Variants in B4GALT5 observed in about 807,000 individuals in gnomAD.
B4GALT5 encodes UDP-Gal:beta-GlcNAc beta-1,4-galactosyltransferase 5.
Under a neutral mutation model 45.0 loss-of-function variants are expected in B4GALT5, and 11 were observed. The ratio of observed to expected loss-of-function variants is 0.24; its 90% confidence interval spans 0.15 to 0.40. The LOEUF (loss-of-function observed/expected upper bound fraction) is 0.40, where lower values mean the gene tolerates loss of function less well. Ranked by LOEUF, B4GALT5 falls within the 10% of genes least tolerant of loss-of-function variation. The pLI is 1.00. For synonymous variants in B4GALT5, 185 were observed against 182.9 expected, an observed-to-expected ratio of 1.01 and a Z score of -0.09; for missense variants, 337 against 500.2, an observed-to-expected ratio of 0.67 and a Z score of 3.11.
chr20:49,672,207 G>T (rs1285273612), intron 1 of B4GALT5, among the ~76,000 whole-genome samples: 3 of 152,122 alleles, frequency 2.0e-5, no homozygotes, highest in Non-Finnish European at 2.9e-5. Context: ...ATTATTGTTA[G>T]CCTGGAAGCT....
chr20:49,701,908 TA>T, intron 1 of B4GALT5, among the ~76,000 whole-genome samples: 1 of 151,732 alleles, frequency 6.6e-6, no homozygotes, highest in Admixed American at 6.6e-5. Flanking sequence ...CTACCAAAAA[TA>T]AAAAAATTAG....
At chr20:49,710,821 C>T (rs1007115754) in intron 1 of B4GALT5, among the ~76,000 whole-genome samples, 1 of 152,072 alleles carries the variant, frequency 6.6e-6, no homozygotes, top group Admixed American at 6.6e-5. Context: ...TTGCCTTAAC[C>T]TTGAAAAAAT....
rs1401348023 is a variant in B4GALT5, at chr20:49,634,947, T to G, written c.*1365A>C. On this transcript the variant is annotated 3_prime_UTR_variant, in exon 9 of 9. Transcript: ENST00000371711. ...CACCTGGGCTCTTGCTGTCTGGAGC[T>G]TTGTTAGTCTAATTTCAAAGCTTCA... The G allele has an allele frequency of 1.3e-5, 2 of 152,162 alleles. No homozygotes were observed. Among genetic ancestry groups the G allele is most frequent in the Non-Finnish European group, 2.9e-5 (2 of 68,034 alleles). 9.4% of individuals were successfully genotyped at this position (152,162 alleles called of 1,614,324 possible). A position where few individuals can be genotyped will look rare whatever the true frequency, so the allele number is the denominator to read the frequency against.
chr20:49,699,003 G>A (rs6019979), intron 1 of B4GALT5, among the ~76,000 whole-genome samples: 1 of 151,930 alleles, frequency 6.6e-6, no homozygotes, highest in Non-Finnish European at 1.5e-5. Flanking sequence ...ACCTATCAAA[G>A]CAAAGACTGG....
intron 2 of B4GALT5, among the ~76,000 whole-genome samples, chr20:49,651,884 G>A (rs1042130240): frequency 6.6e-6 from 1 of 152,132 alleles, no homozygotes; most frequent in Non-Finnish European, 1.5e-5. Context: ...TTTCAGACCA[G>A]CCTGGGCAAC....
At chr20:49,656,740 G>C (rs757857994) in intron 1 of B4GALT5, 38 bp from the exon 2 acceptor site, 2 of 1,612,694 alleles carry the variant, frequency 1.2e-6, no homozygotes, top group Non-Finnish European at 1.7e-6. Flanking sequence ...GGTGGATTCA[G>C]AAGCAATCAT....
intron 1 of B4GALT5, among the ~76,000 whole-genome samples, chr20:49,667,376 C>T (rs768129921): frequency 1.3e-5 from 2 of 151,550 alleles, no homozygotes; most frequent in African/African-American, 2.4e-5. Context: ...CTCAGCCTCC[C>T]GAGTAGCTGG....
intron 1 of B4GALT5, among the ~76,000 whole-genome samples, chr20:49,685,971 C>T (rs1243125349): frequency 2.0e-5 from 3 of 151,962 alleles, no homozygotes; most frequent in Non-Finnish European, 4.4e-5. Flanking sequence ...GGGATTTCTC[C>T]TTTCTCCTGA....
At chr20:49,668,119 A>C (rs1340888902) in intron 1 of B4GALT5, among the ~76,000 whole-genome samples, 1 of 152,120 alleles carries the variant, frequency 6.6e-6, no homozygotes, top group South Asian at 2.1e-4. Context: ...TTGGGGGAAA[A>C]ATTGATTTGA....
intron 1 of B4GALT5, among the ~76,000 whole-genome samples, chr20:49,679,684 AC>A (rs540591498): frequency 2.9e-4 from 43 of 150,782 alleles, no homozygotes; most frequent in East Asian, 5.8e-4. Flanking sequence ...TTCAAAAAAA[AC>A]AAAAACAAAA....
intron 1 of B4GALT5, among the ~76,000 whole-genome samples, chr20:49,661,636 G>A (rs1346951427): frequency 6.6e-6 from 1 of 152,202 alleles, no homozygotes; most frequent in Admixed American, 6.5e-5. Context: ...GTGTGCAGTG[G>A]TTAAATCCTC....
At chr20:49,664,439 C>T (rs867259600) in intron 1 of B4GALT5, among the ~76,000 whole-genome samples, 153 of 148,214 alleles carry the variant, frequency 1.0e-3, no homozygotes, top group African/African-American at 3.9e-3. Context: ...CACACACACA[C>T]ACACACACAC....
chr20:49,665,612 C>T (rs923296514), intron 1 of B4GALT5, among the ~76,000 whole-genome samples: 1 of 150,700 alleles, frequency 6.6e-6, no homozygotes, highest in African/African-American at 2.4e-5. Flanking sequence ...TCATTATATA[C>T]ATAAGATGTT....
At chr20:49,696,505 T>C (rs1199369452) in intron 1 of B4GALT5, among the ~76,000 whole-genome samples, 2 of 152,210 alleles carry the variant, frequency 1.3e-5, no homozygotes, top group Non-Finnish European at 2.9e-5. Context: ...AATAATCTTA[T>C]ATTAAGACAG....
At chr20:49,676,882 G>A (rs1568727081) in intron 1 of B4GALT5, among the ~76,000 whole-genome samples, 1 of 152,210 alleles carries the variant, frequency 6.6e-6, no homozygotes, top group Admixed American at 6.5e-5. Context: ...TTTTTGATGA[G>A]TCATCAAGGG....
intron 1 of B4GALT5, among the ~76,000 whole-genome samples, chr20:49,701,933 C>T (rs2085863718): frequency 6.6e-6 from 1 of 152,100 alleles, no homozygotes; most frequent in Non-Finnish European, 1.5e-5. Context: ...GGGGTGGTGG[C>T]ATGCGCCTGT....
At chr20:49,682,792 A>G (rs952919964) in intron 1 of B4GALT5, among the ~76,000 whole-genome samples, 4 of 152,142 alleles carry the variant, frequency 2.6e-5, no homozygotes, top group Admixed American at 1.3e-4. Flanking sequence ...CTAAGGCAAA[A>G]ATTCAAGATT....
chr20:49,702,626 G>A (rs1398042449), intron 1 of B4GALT5, among the ~76,000 whole-genome samples: 1 of 152,052 alleles, frequency 6.6e-6, no homozygotes, highest in East Asian at 1.9e-4. Flanking sequence ...AGGCGGGGGT[G>A]GGAGGATGGC....
intron 3 of B4GALT5, 99 bp downstream of exon 3, chr20:49,646,866 G>A (rs1043203228): frequency 1.4e-6 from 1 of 691,830 alleles, no homozygotes; most frequent in Non-Finnish European, 2.4e-6. Flanking sequence ...ATGGCAGGGA[G>A]GTATTTATAT....
Sources: allele counts gnomAD v4.1 joint callset (sites outside exome capture counted in the v4.1 genomes callset), GRCh38; gene constraint gnomAD v4.1.1; transcripts MANE v1.5; gene names NCBI Gene and HGNC (gene_info 2026-07-23, HGNC 2026-07-21).